The following PIAS1 variants were observed in gnomAD, a reference collection of about 807,000 sequenced individuals.
PIAS1 encodes the protein protein inhibitor of activated STAT 1.
Under a neutral mutation model 71.3 loss-of-function variants are expected in PIAS1, and 6 were observed. That is an observed-to-expected ratio of 0.08 (90% CI 0.05 to 0.17). The LOEUF is 0.17. PIAS1 is among the 10% of genes least tolerant of loss of function. The probability of loss-of-function intolerance (pLI) is 1.00; values close to 1 mark genes in which losing one functional copy is unlikely to be tolerated. For missense variants in PIAS1, 555 were observed against 793.6 expected, an observed-to-expected ratio of 0.70 and a Z score of 3.61; for synonymous variants, 303 against 292.9, an observed-to-expected ratio of 1.03 and a Z score of -0.35.
rs867242437 is a variant in PIAS1, at chr15:68,054,617, A to T, written c.24+267A>T. 35 of 395,142 alleles carry T rather than the reference A, an allele frequency of 8.9e-5. No individual in the cohort carries two copies. The Middle Eastern group carries it at 3.4e-3, about 39-fold the overall frequency. 24.5% of individuals were successfully genotyped at this position (395,142 alleles called of 1,614,324 possible). ...TGGCGGGGGTGGCGGGGGAAGAGAT[A>T]GGGAGTCCGGAGGTAGGGGCTGCAG... On this transcript the variant is annotated intron_variant, in intron 1 of 13. Coordinates refer to ENST00000249636, the MANE Select transcript of PIAS1 (RefSeq NM_016166.3). The surrounding 1 kb of genome is among the most constrained non-coding windows in gnomAD (Gnocchi z 4.6).
intron 1 of PIAS1, among the ~76,000 whole-genome samples, chr15:68,082,695 C>A (rs2092240155): frequency 6.6e-6 from 1 of 151,818 alleles, no homozygotes; most frequent in Non-Finnish European, 1.5e-5. Context: ...TGTAACAGAG[C>A]TAAACCATTA....
Position 68,192,952 on chromosome 15 carries a change from C to G in PIAS1, c.*5117C>G, listed in dbSNP as rs1019105401. ...ACAAGTGTATGGCACCTCTGAATCTCTGGCAGCACCAACCTGGCACCTTCT... is the reference window on the plus strand; with the variant it reads ...ACAAGTGTATGGCACCTCTGAATCTGTGGCAGCACCAACCTGGCACCTTCT... On this transcript the variant is annotated 3_prime_UTR_variant, in exon 14 of 14. Coordinates refer to ENST00000249636, the MANE Select transcript of PIAS1 (RefSeq NM_016166.3). The G allele has an allele frequency of 1.3e-5, 2 of 152,286 alleles. No homozygotes were observed. The highest frequency in any genetic ancestry group is 4.8e-5 in the African/African-American group (2 of 41,458). The allele number at this position is 152,286 out of a possible 1,614,324, so 9.4% of individuals were successfully genotyped here. A position where few individuals can be genotyped will look rare whatever the true frequency, so the allele number is the denominator to read the frequency against.
chr15:68,161,235 A>T lies in PIAS1; in HGVS notation c.935-3496A>T, dbSNP rs188218528. Reference sequence around the variant, plus strand: ...AATATGAAACACGTGGGGATACATCACACAAACTATGTGCAAGATTTGTAT... The same window carrying T: ...AATATGAAACACGTGGGGATACATCTCACAAACTATGTGCAAGATTTGTAT... On this transcript the variant is annotated intron_variant, in intron 7 of 13. Coordinates refer to ENST00000249636, the MANE Select transcript of PIAS1 (RefSeq NM_016166.3). 2.6e-4 allele frequency among the ~76,000 whole-genome samples: 40 copies of T among 152,312 alleles called. 1 individual carries two copies. In the East Asian group the frequency reaches 3.3e-3, roughly 12 times the overall value.
In PIAS1 at chr15:68,187,957, C is replaced by A; in HGVS notation, c.*122C>A. 1.1e-6 allele frequency: 1 copy of A among 869,596 alleles called. No individual in the cohort carries two copies. The allele number at this position is 869,596 out of a possible 1,614,324, so 53.9% of individuals were successfully genotyped here. On this transcript the variant is annotated 3_prime_UTR_variant, in exon 14 of 14. Transcript: ENST00000249636. This position sits in a 1 kb window ranked among gnomAD's most constrained non-coding sequence, Gnocchi z 5.3. Reference sequence around the variant, plus strand: ...AAAGTATACAAGCGTGTTTTTTTTCCTTTTTTTAGGGAAAAAATTAAAAGA... The same window carrying A: ...AAAGTATACAAGCGTGTTTTTTTTCATTTTTTTAGGGAAAAAATTAAAAGA...
chr15:68,156,717 AAAAAAAAAAAAG>A (rs2092891810), intron 7 of PIAS1, among the ~76,000 whole-genome samples: 1 of 150,418 alleles, frequency 6.6e-6, no homozygotes, highest in South Asian at 2.1e-4. Context: ...TTTAAAAAAA[AAAAAAAAAAAAG>A]AGAGAGAGAG....
intron 1 of PIAS1, among the ~76,000 whole-genome samples, chr15:68,082,115 C>G (rs1173178329): frequency 6.6e-6 from 1 of 152,150 alleles, no homozygotes. Flanking sequence ...GCCCAGCACT[C>G]TGTACTGAGC....
In PIAS1 at chr15:68,186,626, T is replaced by G. The variant is rs2093089597; in HGVS notation, c.1663-916T>G. Among the ~76,000 whole-genome samples, 1 of 152,242 alleles carries G rather than the reference T, an allele frequency of 6.6e-6. No homozygotes were observed. The highest frequency in any genetic ancestry group is 2.4e-5 in the African/African-American group (1 of 41,458). ...AGCCTCACATTCACTCACCATTCAC[T>G]CACTGGCTCACCCAGAGCAACTTCC... On this transcript the variant is annotated intron_variant, in intron 13 of 13. Transcript: ENST00000249636. This position sits in a 1 kb window ranked among gnomAD's most constrained non-coding sequence, Gnocchi z 4.4.
chr15:68,150,885 C>T (rs866516607), intron 6 of PIAS1, among the ~76,000 whole-genome samples: 3 of 152,018 alleles, frequency 2.0e-5, no homozygotes, highest in Non-Finnish European at 4.4e-5. Context: ...AAAAAAAATT[C>T]AGAGTCCAAA....
At position 68,173,178 on chromosome 15, in the gene PIAS1, G is replaced by A. The variant is rs185764057; in HGVS notation, c.1009-554G>A. ...TAAGGTGGTTCTTAAATTTTTTTTGGATCAAGGACTGCTTTAAGAATTTGA... is the reference window on the plus strand; with the variant it reads ...TAAGGTGGTTCTTAAATTTTTTTTGAATCAAGGACTGCTTTAAGAATTTGA... On this transcript the variant is annotated intron_variant, in intron 8 of 13. Coordinates refer to ENST00000249636, the MANE Select transcript of PIAS1 (RefSeq NM_016166.3). The surrounding 1 kb of genome is among the most constrained non-coding windows in gnomAD (Gnocchi z 4.3). Among the ~76,000 whole-genome samples, 531 of 151,884 alleles carry A rather than the reference G, an allele frequency of 3.5e-3. 3 individuals are homozygous for A. Among genetic ancestry groups the A allele is most frequent in the Middle Eastern group, 6.8e-3 (2 of 294 alleles).
chr15:68,186,062 A>G lies in PIAS1; in HGVS notation c.1663-1480A>G, dbSNP rs2093085593. On this transcript the variant is annotated intron_variant, in intron 13 of 13. Coordinates refer to ENST00000249636, the MANE Select transcript of PIAS1 (RefSeq NM_016166.3). This position sits in a 1 kb window ranked among gnomAD's most constrained non-coding sequence, Gnocchi z 4.4. ...TGGTACATTATCTACTTACAAGCAA[A>G]CCTATGATAAAAAAGAAACCAAGCC... 6.6e-6 allele frequency among the ~76,000 whole-genome samples: 1 copy of G among 152,168 alleles called. No individual in the cohort carries two copies. Among genetic ancestry groups the G allele is most frequent in the African/African-American group, 2.4e-5 (1 of 41,432 alleles).
chr15:68,179,341 C>T (rs1358202248), intron 11 of PIAS1, among the ~76,000 whole-genome samples: 1 of 152,060 alleles, frequency 6.6e-6, no homozygotes, highest in African/African-American at 2.4e-5. Flanking sequence ...CATTTTAAAT[C>T]CTCTCTTATA....
chr15:68,151,696 AC>A (rs1433804443), intron 6 of PIAS1, among the ~76,000 whole-genome samples: 1 of 83,652 alleles, frequency 1.2e-5, no homozygotes, highest in Non-Finnish European at 2.4e-5. Flanking sequence ...ACACACACAC[AC>A]ACACACACAC....
In PIAS1 at chr15:68,193,778, T is replaced by G. The variant is rs922269768; in HGVS notation, c.*5943T>G. On this transcript the variant is annotated 3_prime_UTR_variant, in exon 14 of 14. Transcript: ENST00000249636. Reference sequence around the variant, plus strand: ...TCCAAACCGCAGGCTCCTTCCATGCTTGAAAGGGCCGGACTCACGGTAGTT... The same window carrying G: ...TCCAAACCGCAGGCTCCTTCCATGCGTGAAAGGGCCGGACTCACGGTAGTT... The G allele has an allele frequency of 2.4e-6, 1 of 419,254 alleles. No individual in the cohort carries two copies. The highest frequency in any genetic ancestry group is 4.3e-6 in the Non-Finnish European group (1 of 231,796). 26.0% of individuals were successfully genotyped at this position (419,254 alleles called of 1,614,324 possible).
At chr15:68,125,901 C>G (rs1363663964) in intron 2 of PIAS1, among the ~76,000 whole-genome samples, 1 of 152,050 alleles carries the variant, frequency 6.6e-6, no homozygotes, top group Non-Finnish European at 1.5e-5. Context: ...GTTTGCTATG[C>G]TGATCTAAGC....
chr15:68,139,467 A>G (rs2092755292), intron 2 of PIAS1, among the ~76,000 whole-genome samples: 1 of 152,222 alleles, frequency 6.6e-6, no homozygotes, highest in Non-Finnish European at 1.5e-5. Flanking sequence ...TATGTAGCTT[A>G]TACATAAACT....
In PIAS1 at chr15:68,174,605, A is replaced by G. The variant is rs2093011079; in HGVS notation, c.1169+713A>G. Among the ~76,000 whole-genome samples, 1 of 152,162 alleles carries G rather than the reference A, an allele frequency of 6.6e-6. No homozygotes were observed. The highest frequency in any genetic ancestry group is 2.1e-4 in the South Asian group (1 of 4,832). On this transcript the variant is annotated intron_variant, in intron 9 of 13. Coordinates refer to ENST00000249636, the MANE Select transcript of PIAS1 (RefSeq NM_016166.3). The surrounding 1 kb of genome is among the most constrained non-coding windows in gnomAD (Gnocchi z 4.0). Reference sequence around the variant, plus strand: ...GGCTGCTCTCGAATTCCTGGGCTCAAGTGATCCTCCTGCCTTGGCCTCCCA... The same window carrying G: ...GGCTGCTCTCGAATTCCTGGGCTCAGGTGATCCTCCTGCCTTGGCCTCCCA...
chr15:68,087,218 TG>T (rs1358232505), intron 2 of PIAS1, among the ~76,000 whole-genome samples: 3 of 152,178 alleles, frequency 2.0e-5, no homozygotes, highest in Non-Finnish European at 2.9e-5. Flanking sequence ...AAATTTCAGC[TG>T]ATTTTTTTCA....
chr15:68,158,284 T>A (rs2092904166), intron 7 of PIAS1, among the ~76,000 whole-genome samples: 1 of 152,216 alleles, frequency 6.6e-6, no homozygotes. Flanking sequence ...TTACTCTTCT[T>A]TTCATACTTC....
At chr15:68,116,241 C>G (rs2092564199) in intron 2 of PIAS1, among the ~76,000 whole-genome samples, 1 of 151,132 alleles carries the variant, frequency 6.6e-6, no homozygotes, top group Non-Finnish European at 1.5e-5. Context: ...AGTTTTCTTT[C>G]AGAGAAGTTA....
Sources: gnomAD v4.1 joint callset for allele counts (sites outside exome capture counted in the v4.1 genomes callset) on GRCh38, gnomAD v4.1.1 for gene constraint, Gnocchi (gnomAD v3.1) non-coding constraint, MANE v1.5 for transcripts, NCBI Gene and HGNC (gene_info 2026-07-23, HGNC 2026-07-21) for gene names.